The following CTNND2 variants were observed in gnomAD, a reference collection of about 807,000 sequenced individuals.
CTNND2 encodes catenin delta 2, also known as catenin delta-2.
Under a neutral mutation model 144.4 loss-of-function variants are expected in CTNND2, and 22 were observed. The observed-to-expected ratio is 0.15, with a 90% CI of 0.11 to 0.22. CTNND2 has a LOEUF of 0.22. CTNND2 is among the 10% of genes least tolerant of loss of function. CTNND2 has a pLI of 1.00. For missense variants in CTNND2, 1,353 were observed against 1,618.8 expected, an observed-to-expected ratio of 0.84 and a Z score of 2.82; for synonymous variants, 751 against 695.6, an observed-to-expected ratio of 1.08 and a Z score of -1.25.
intron 2 of CTNND2, among the ~76,000 whole-genome samples, chr5:11,669,254 A>G (rs537559177): frequency 1.1e-4 from 16 of 152,184 alleles, no homozygotes; most frequent in Admixed American, 9.8e-4. Context: ...CCAGGTTTTG[A>G]TATCAGGATG....
At chr5:11,823,961 A>G (rs1384993151) in intron 1 of CTNND2, among the ~76,000 whole-genome samples, 2 of 151,934 alleles carry the variant, frequency 1.3e-5, no homozygotes, top group East Asian at 3.9e-4. Context: ...TACAAAAATT[A>G]GCTGGGCATG....
chr5:11,321,421 T>G (rs1752019766), intron 9 of CTNND2, among the ~76,000 whole-genome samples: 1 of 152,288 alleles, frequency 6.6e-6, no homozygotes, highest in East Asian at 1.9e-4. Context: ...TTGGAAGGTT[T>G]AAACAGTAGC....
chr5:10,980,527 C>T (rs1737092769), intron 21 of CTNND2, among the ~76,000 whole-genome samples: 1 of 152,108 alleles, frequency 6.6e-6, no homozygotes, highest in South Asian at 2.1e-4. Flanking sequence ...ACCATTTGAC[C>T]CAGTGATCCC....
intron 1 of CTNND2, among the ~76,000 whole-genome samples, chr5:11,875,426 G>A (rs538853595): frequency 6.6e-6 from 1 of 152,270 alleles, no homozygotes; most frequent in South Asian, 2.1e-4. Context: ...TTACACATTT[G>A]GGATTAATGA....
At chr5:11,610,470 G>C (rs1780261023) in intron 2 of CTNND2, among the ~76,000 whole-genome samples, 1 of 152,198 alleles carries the variant, frequency 6.6e-6, no homozygotes, top group Non-Finnish European at 1.5e-5. Flanking sequence ...GAGGCCTAGA[G>C]AAGTGATGTG....
In CTNND2 at chr5:10,973,817, TC is replaced by T; in HGVS notation, c.3418-105del. On this transcript the variant is annotated intron_variant, in intron 21 of 21. Coordinates refer to ENST00000304623, the MANE Select transcript of CTNND2 (RefSeq NM_001332.4). The surrounding 1 kb of genome is among the most constrained non-coding windows in gnomAD (Gnocchi z 5.6). ...TCCTTCAAAGAATAGGCTGTGTATA[TC>T]CAGGCATTCACCACTGTGGCCCTGC... 7.8e-7 allele frequency: 1 copy of T among 1,289,686 alleles called. No individual in the cohort carries two copies. The highest frequency in any genetic ancestry group is 1.0e-6 in the Non-Finnish European group (1 of 958,760). The allele number at this position is 1,289,686 out of a possible 1,614,324, so 79.9% of individuals were successfully genotyped here. A position where few individuals can be genotyped will look rare whatever the true frequency, so the allele number is the denominator to read the frequency against.
intron 2 of CTNND2, among the ~76,000 whole-genome samples, chr5:11,670,648 TTA>T (rs1378301346): frequency 1.3e-5 from 2 of 150,728 alleles, no homozygotes; most frequent in Admixed American, 1.3e-4. Context: ...TTCCATCCCT[TTA>T]TTTTGAACCT....
At chr5:11,774,567 A>AAAT (rs1790145234) in intron 1 of CTNND2, among the ~76,000 whole-genome samples, 1 of 150,168 alleles carries the variant, frequency 6.7e-6, no homozygotes, top group Non-Finnish European at 1.5e-5. Context: ...AAATTAAAAA[A>AAAT]AAAAACAATG....
At chr5:11,150,122 A>G (rs980071219) in intron 12 of CTNND2, among the ~76,000 whole-genome samples, 6 of 152,130 alleles carry the variant, frequency 3.9e-5, no homozygotes, top group African/African-American at 1.4e-4. Flanking sequence ...CTCACCCCAA[A>G]GGCACCTCTG....
intron 2 of CTNND2, among the ~76,000 whole-genome samples, chr5:11,592,608 T>C (rs1198269772): frequency 6.6e-6 from 1 of 151,202 alleles, no homozygotes. Flanking sequence ...TCAACAGTAT[T>C]CTTAAGTAAA....
intron 3 of CTNND2, among the ~76,000 whole-genome samples, chr5:11,470,588 G>C (rs1486078858): frequency 6.6e-6 from 1 of 152,006 alleles, no homozygotes; most frequent in Non-Finnish European, 1.5e-5. Context: ...GGTTTATTTA[G>C]ATTTCCTTCA....
intron 9 of CTNND2, among the ~76,000 whole-genome samples, chr5:11,305,525 T>G (rs1288421514): frequency 6.6e-6 from 1 of 152,124 alleles, no homozygotes; most frequent in Non-Finnish European, 1.5e-5. Context: ...CACATCCTAT[T>G]GAATTGTTTA....
intron 3 of CTNND2, among the ~76,000 whole-genome samples, chr5:11,563,718 A>G (rs1776852991): frequency 6.6e-6 from 1 of 152,152 alleles, no homozygotes; most frequent in Non-Finnish European, 1.5e-5. Flanking sequence ...GCTTAACAAC[A>G]GAGAGTGCAG....
intron 19 of CTNND2, among the ~76,000 whole-genome samples, chr5:10,989,251 C>T (rs1205072448): frequency 6.6e-6 from 1 of 152,190 alleles, no homozygotes; most frequent in East Asian, 1.9e-4. Flanking sequence ...ACCCTGTGGG[C>T]ACCTGCAGCT....
At position 10,988,294 on chromosome 5, in the gene CTNND2, T is replaced by A; in HGVS notation, c.3212-52A>T. On this transcript the variant is annotated intron_variant, in intron 19 of 21. Transcript: ENST00000304623. This position sits in a 1 kb window ranked among gnomAD's most constrained non-coding sequence, Gnocchi z 5.9. The stretch of plus-strand genomic sequence containing the variant: ...TTTCTGCATCTCATCCCACAGCGTG[T>A]GTGCCTTCCACACAGTCAGGGTCCT... The A allele has an allele frequency of 1.2e-6, 2 of 1,609,642 alleles. No individual in the cohort carries two copies. Among genetic ancestry groups the A allele is most frequent in the Non-Finnish European group, 1.7e-6 (2 of 1,177,258 alleles).
intron 16 of CTNND2, among the ~76,000 whole-genome samples, chr5:11,046,247 G>A (rs1745234358): frequency 6.6e-6 from 1 of 152,148 alleles, no homozygotes; most frequent in Non-Finnish European, 1.5e-5. Context: ...TTACAGAAAG[G>A]GGAAATTTGG....
Position 11,903,672 on chromosome 5 carries a change from C to T in CTNND2, c.37+145G>A. The T allele has an allele frequency of 1.1e-6, 1 of 892,654 alleles. No homozygotes were observed. Among genetic ancestry groups the T allele is most frequent in the Non-Finnish European group, 1.6e-6 (1 of 643,768 alleles). 55.3% of individuals were successfully genotyped at this position (892,654 alleles called of 1,614,324 possible). ...GGGACCTGGCGCGATCGCGGTCCTCCCCGAGGCAGGCAGAAACCCCGCAGC... is the reference window on the plus strand; with the variant it reads ...GGGACCTGGCGCGATCGCGGTCCTCTCCGAGGCAGGCAGAAACCCCGCAGC... On this transcript the variant is annotated intron_variant, in intron 1 of 21. Coordinates refer to ENST00000304623, the MANE Select transcript of CTNND2 (RefSeq NM_001332.4). This position sits in a 1 kb window ranked among gnomAD's most constrained non-coding sequence, Gnocchi z 5.4.
intron 2 of CTNND2, among the ~76,000 whole-genome samples, chr5:11,648,259 C>G (rs1358360688): frequency 6.7e-6 from 1 of 150,122 alleles, no homozygotes; most frequent in Non-Finnish European, 1.5e-5. Context: ...AAACTGAACT[C>G]AATGGAATTT....
At chr5:11,482,342 T>C (rs1451720631) in intron 3 of CTNND2, among the ~76,000 whole-genome samples, 2 of 152,206 alleles carry the variant, frequency 1.3e-5, no homozygotes, top group South Asian at 2.1e-4. Flanking sequence ...ACATACAAAA[T>C]GAATGCAAAT....
Sources: gnomAD v4.1 joint callset for allele counts (sites outside exome capture counted in the v4.1 genomes callset) on GRCh38, gnomAD v4.1.1 for gene constraint, Gnocchi (gnomAD v3.1) non-coding constraint, MANE v1.5 for transcripts, NCBI Gene and HGNC (gene_info 2026-07-23, HGNC 2026-07-21) for gene names.